Variants in OGG1 observed in about 807,000 individuals in gnomAD.
OGG1 encodes the protein N-glycosylase/DNA lyase.
Under a neutral mutation model 42.3 loss-of-function variants are expected in OGG1, and 35 were observed. The ratio of observed to expected loss-of-function variants is 0.83; its 90% CI spans 0.63 to 1.10. OGG1 has a LOEUF of 1.10. OGG1 is among the 50% of genes least tolerant of loss of function. OGG1 has a pLI of 0.00. For synonymous variants in OGG1, 189 were observed against 179.0 expected (o/e 1.06, Z -0.44); for missense variants, 484 against 446.7 (o/e 1.08, Z -0.75).
downstream of OGG1, among the ~76,000 whole-genome samples, chr3:9,771,509 C>T (rs2078298334): frequency 6.6e-6 from 1 of 152,136 alleles, no homozygotes; most frequent in African/African-American, 2.4e-5. Context: ...ATATGAAGTG[C>T]CTAGAACACT....
At position 9,775,883 on chromosome 3, in the gene OGG1, G is replaced by A. The variant is rs867486605; in HGVS notation, c.295-5630G>A. ...TTGAACTCCTGACCTCAGATGATCC[G>A]CCTTCCTTGGCCTCCCAAAGTGCTG... is the stretch of plus-strand genomic sequence containing the variant. On this transcript the variant is annotated intron_variant, in intron 2 of 3. Coordinates refer to the OGG1 transcript ENST00000426518. Among the ~76,000 whole-genome samples the A allele has an allele frequency of 1.1e-4, 16 of 152,146 alleles. No homozygotes were observed. In the South Asian group the frequency reaches 1.7e-3, roughly 16 times the overall value.
intron 5 of OGG1, 51 bp downstream of exon 5, chr3:9,756,672 TTCTC>T (rs768746363): frequency 8.1e-6 from 13 of 1,612,210 alleles, no homozygotes; most frequent in South Asian, 1.1e-5. Context: ...TGGTAGAAAC[TTCTC>T]TCTCTCTTAG....
chr3:9,761,550 A>T (rs751335489), downstream of OGG1: 1 of 1,613,336 alleles, frequency 6.2e-7, no homozygotes, highest in East Asian at 2.2e-5. Flanking sequence ...TGGAGGGAAG[A>T]GGACGTGGTG....
intron 3 of OGG1, among the ~76,000 whole-genome samples, chr3:9,784,723 T>C (rs2078564624): frequency 6.6e-6 from 1 of 151,862 alleles, no homozygotes; most frequent in Non-Finnish European, 1.5e-5. Flanking sequence ...AAATGAGCCA[T>C]ACATGGTGGC....
downstream of OGG1, among the ~76,000 whole-genome samples, chr3:9,789,177 G>A (rs1284745741): frequency 1.3e-5 from 2 of 152,274 alleles, no homozygotes; most frequent in South Asian, 2.1e-4. Context: ...TTCCTCCAGA[G>A]GCCTCGAAAC....
intron 2 of OGG1, among the ~76,000 whole-genome samples, chr3:9,780,786 T>C (rs6794714): frequency 4.7e-4 from 71 of 152,332 alleles, no homozygotes; most frequent in African/African-American, 1.4e-3. Flanking sequence ...GACAGGGAGA[T>C]ACGGGAATTC....
intron 4 of OGG1, among the ~76,000 whole-genome samples, chr3:9,755,139 C>G (rs1257605369): frequency 1.3e-5 from 2 of 152,220 alleles, no homozygotes; most frequent in African/African-American, 4.8e-5. Flanking sequence ...ATATATGCAG[C>G]AATTTCCAGA....
In OGG1 at chr3:9,787,490, G is replaced by C. The variant is rs558997243; in HGVS notation, c.383-238G>C. Reference sequence around the variant, plus strand: ...GGTGTAGGTAAGAAAGTACAACGAAGATAAAACCTGTACTTCACACTCTAG... The same window carrying C: ...GGTGTAGGTAAGAAAGTACAACGAACATAAAACCTGTACTTCACACTCTAG... On this transcript the variant is annotated intron_variant, in intron 3 of 3. Coordinates refer to the OGG1 transcript ENST00000426518. 3 of 1,161,352 alleles carry C rather than the reference G, an allele frequency of 2.6e-6. No homozygotes were observed. In the Admixed American group the frequency reaches 8.6e-5, roughly 33 times the overall value. 71.9% of individuals were successfully genotyped at this position (1,161,352 alleles called of 1,614,324 possible).
chr3:9,751,268 T>A, intron 2 of OGG1, 76 bp downstream of exon 2: 1 of 1,466,926 alleles, frequency 6.8e-7, no homozygotes, highest in Non-Finnish European at 9.4e-7. Context: ...TTGCCACCTG[T>A]AAAATGGGGA....
At chr3:9,760,824 G>C (rs1362565148), downstream of OGG1, 3 of 1,608,158 alleles carry the variant, frequency 1.9e-6, no homozygotes, top group East Asian at 6.7e-5. Flanking sequence ...TGGCTCCGGG[G>C]TGGAGCACTG....
intron 3 of OGG1, chr3:9,785,316 C>G (rs770252132): frequency 2.5e-6 from 4 of 1,612,584 alleles, no homozygotes; most frequent in Admixed American, 3.3e-5. Flanking sequence ...CACCACTCAC[C>G]TGAAGGGCTT....
rs150292231 is a variant in OGG1 at position 9,784,131 on chromosome 3, C to T, written c.382+2531C>T. ...AGGACCTCATCCTCGGAGTCCTCTG[C>T]GGGGCGGTCCTCAGACTCCAAAAGG... is the stretch of plus-strand genomic sequence containing the variant. On this transcript the variant is annotated intron_variant, in intron 3 of 3. Coordinates refer to the OGG1 transcript ENST00000426518. 28 of 1,614,150 alleles carry T rather than the reference C, an allele frequency of 1.7e-5. No homozygotes were observed. Among genetic ancestry groups the T allele is most frequent in the East Asian group, 8.9e-5 (4 of 44,882 alleles).
At chr3:9,776,556 A>C (rs1237719749) in intron 2 of OGG1, among the ~76,000 whole-genome samples, 3 of 151,624 alleles carry the variant, frequency 2.0e-5, no homozygotes, top group Non-Finnish European at 4.4e-5. Context: ...CGCCCGGCTA[A>C]TTTGTTGTAT....
intron 7 of OGG1, among the ~76,000 whole-genome samples, chr3:9,763,828 A>G (rs1249125545): frequency 1.3e-5 from 2 of 152,114 alleles, no homozygotes; most frequent in East Asian, 3.9e-4. Flanking sequence ...TCTACTAAAA[A>G]TACAAAAATT....
At chr3:9,766,396 AC>A (rs1272011505) in exon 8 of OGG1, 13 of 538,104 alleles carry the variant, frequency 2.4e-5, no homozygotes, top group Admixed American at 2.2e-4. Flanking sequence ...CTAATTTAAC[AC>A]CCTTTAGAAC....
intron 4 of OGG1, among the ~76,000 whole-genome samples, chr3:9,755,405 T>A (rs2077491173): frequency 6.6e-6 from 1 of 151,974 alleles, no homozygotes; most frequent in African/African-American, 2.4e-5. Flanking sequence ...CTGACAAAAC[T>A]TTTTGCTTGA....
intron 3 of OGG1, chr3:9,787,113 A>T (rs1223634941): frequency 5.6e-6 from 9 of 1,614,048 alleles, no homozygotes; most frequent in Non-Finnish European, 7.6e-6. Context: ...TCCACATCTA[A>T]GCGGGCACAG....
chr3:9,787,255 G>A (rs748746863), intron 3 of OGG1: 37 of 1,614,104 alleles, frequency 2.3e-5, no homozygotes, highest in Non-Finnish European at 2.8e-5. Context: ...GTCAGCCACA[G>A]CCGCTGCCCG....
downstream of OGG1, chr3:9,757,888 T>C (rs751297478): frequency 1.3e-6 from 2 of 1,567,420 alleles, no homozygotes; most frequent in South Asian, 2.3e-5. The surrounding 1 kb of genome is among the most constrained non-coding windows in gnomAD (Gnocchi z 4.5). Flanking sequence ...GAAAGGACTT[T>C]TGAGAGAGTC....
Sources: allele counts gnomAD v4.1 joint callset (sites outside exome capture counted in the v4.1 genomes callset), GRCh38; gene constraint gnomAD v4.1.1; non-coding constraint Gnocchi (gnomAD v3.1); transcripts MANE v1.5; gene names NCBI Gene and HGNC (gene_info 2026-07-23, HGNC 2026-07-21).